Variants in CEP128 observed in about 807,000 individuals in gnomAD.
CEP128 encodes the protein centrosomal protein 128kDa.
In CEP128, 132 loss-of-function variants were observed where a neutral mutation model predicts 156.7. The ratio of observed to expected loss-of-function variants is 0.84; its 90% CI spans 0.73 to 0.97. The LOEUF (loss-of-function observed/expected upper bound fraction) is 0.97. Ranked by LOEUF, CEP128 falls within the 50% of genes least tolerant of loss-of-function variation. The probability of loss-of-function intolerance (pLI) is 0.00; values close to 1 mark genes in which losing one functional copy is unlikely to be tolerated. For synonymous variants in CEP128, 469 were observed against 448.9 expected (o/e 1.04, Z -0.57); for missense variants, 1,252 against 1,281.9 (o/e 0.98, Z 0.36).
At chr14:80,950,675 C>T (rs1886444217) in intron 2 of CEP128, among the ~76,000 whole-genome samples, 1 of 151,804 alleles carries the variant, frequency 6.6e-6, no homozygotes, top group South Asian at 2.1e-4. Context: ...CTAATAAGTG[C>T]AATAATTGGA....
chr14:80,477,953 C>T (rs2140143077), exon 15 of CEP128: 1 of 152,026 alleles, frequency 6.6e-6, no homozygotes, highest in Non-Finnish European at 1.5e-5. Context: ...TCATGAAATC[C>T]ACCCCCAACT....
intron 9 of CEP128, among the ~76,000 whole-genome samples, chr14:80,846,204 G>A (rs1886593681): frequency 6.6e-6 from 1 of 152,260 alleles, no homozygotes; most frequent in East Asian, 1.9e-4. Flanking sequence ...TATTTGGCAT[G>A]AACATAAAAT....
At chr14:80,791,578 G>A (rs1462515320) in intron 14 of CEP128, among the ~76,000 whole-genome samples, 1 of 152,082 alleles carries the variant, frequency 6.6e-6, no homozygotes, top group Non-Finnish European at 1.5e-5. Context: ...GGCTCATTGA[G>A]CCAGTTGCCA....
chr14:80,776,036 G>A (rs767364536), intron 16 of CEP128, among the ~76,000 whole-genome samples: 15 of 152,058 alleles, frequency 9.9e-5, no homozygotes, highest in Admixed American at 9.2e-4. Context: ...GCTTCACCAC[G>A]TTGGCCAGGC....
chr14:80,641,547 G>C lies in CEP128; in HGVS notation c.2807-61124C>G, dbSNP rs868158318. 3.9e-5 allele frequency among the ~76,000 whole-genome samples: 6 copies of C among 152,164 alleles called. No individual in the cohort carries two copies. The South Asian group carries it at 6.2e-4, about 16-fold the overall frequency. On this transcript the variant is annotated intron_variant, in intron 19 of 24. Coordinates refer to ENST00000555265, the MANE Select transcript of CEP128 (RefSeq NM_152446.5). ...CCTTTTTCCTAGAATCGGATACAGT[G>C]CCTGGTAGAAAGTATGCACAGAACA...
At chr14:80,486,439 C>T (rs1887167430), downstream of CEP128, among the ~76,000 whole-genome samples, 1 of 152,016 alleles carries the variant, frequency 6.6e-6, no homozygotes, top group South Asian at 2.1e-4. Context: ...AGTTGGAAAA[C>T]ACTCTGCAGG....
At chr14:80,529,754 A>G (rs189790954) in intron 22 of CEP128, among the ~76,000 whole-genome samples, 2 of 152,326 alleles carry the variant, frequency 1.3e-5, no homozygotes, top group Admixed American at 1.3e-4. Context: ...TAATTCTTTG[A>G]TAGATATTTA....
chr14:80,909,134 G>T (rs980223576), intron 4 of CEP128, among the ~76,000 whole-genome samples: 3 of 152,182 alleles, frequency 2.0e-5, no homozygotes, highest in Non-Finnish European at 1.5e-5. Context: ...CTGGACTTAA[G>T]TTTTTTGCCA....
chr14:80,506,453 A>G (rs954236168), intron 23 of CEP128, among the ~76,000 whole-genome samples: 40 of 150,568 alleles, frequency 2.7e-4, no homozygotes, highest in African/African-American at 9.8e-4. Context: ...TGTTTGGAGA[A>G]TGAATTGAAG....
At chr14:80,481,045 C>G (rs1167992695) in intron 14 of CEP128, among the ~76,000 whole-genome samples, 1 of 152,208 alleles carries the variant, frequency 6.6e-6, no homozygotes, top group East Asian at 1.9e-4. Flanking sequence ...CAACCTCTGC[C>G]TGTTACCCAG....
At chr14:80,830,264 A>G in intron 13 of CEP128, 1 of 633,978 alleles carries the variant, frequency 1.6e-6, no homozygotes, top group Non-Finnish European at 2.8e-6. Flanking sequence ...CAAATTTAAA[A>G]GACATTTTCT....
intron 8 of CEP128, among the ~76,000 whole-genome samples, chr14:80,889,773 A>C (rs879133384): frequency 5.9e-5 from 9 of 152,186 alleles, no homozygotes; most frequent in African/African-American, 9.7e-5. Context: ...AAAATAGACA[A>C]ATAGGATCTA....
chr14:80,655,916 T>C (rs1282584157), intron 19 of CEP128, among the ~76,000 whole-genome samples: 1 of 152,124 alleles, frequency 6.6e-6, no homozygotes, highest in Non-Finnish European at 1.5e-5. Context: ...TTTTTTGTTT[T>C]GCCTCATTTA....
chr14:80,624,760 T>C (rs1051934995), intron 19 of CEP128, among the ~76,000 whole-genome samples: 2 of 152,172 alleles, frequency 1.3e-5, no homozygotes, highest in African/African-American at 4.8e-5. Flanking sequence ...GGCCCATTTT[T>C]TAATGATTAT....
chr14:80,948,717 C>T (rs373299478), intron 2 of CEP128, among the ~76,000 whole-genome samples: 67 of 152,270 alleles, frequency 4.4e-4, no homozygotes, highest in African/African-American at 1.2e-3. Context: ...GGATTCTGTG[C>T]GTGTGTTTAA....
downstream of CEP128, among the ~76,000 whole-genome samples, chr14:80,488,543 A>C (rs2140155695): frequency 6.6e-6 from 1 of 151,896 alleles, no homozygotes; most frequent in East Asian, 2.0e-4. Flanking sequence ...GTGGGACTGT[A>C]AACTAGTTCA....
intron 13 of CEP128, among the ~76,000 whole-genome samples, chr14:80,825,712 A>AT (rs1885435182): frequency 6.6e-6 from 1 of 152,198 alleles, no homozygotes; most frequent in African/African-American, 2.4e-5. Flanking sequence ...ACCTTTCCTC[A>AT]TAACTCCCAA....
At chr14:80,669,811 C>T (rs1414954879) in intron 19 of CEP128, among the ~76,000 whole-genome samples, 1 of 152,170 alleles carries the variant, frequency 6.6e-6, no homozygotes, top group African/African-American at 2.4e-5. Flanking sequence ...AGGTATCTAT[C>T]TGTATGCCAT....
At chr14:80,763,690 A>G (rs1051852456) in intron 16 of CEP128, among the ~76,000 whole-genome samples, 6 of 152,194 alleles carry the variant, frequency 3.9e-5, no homozygotes, top group African/African-American at 1.4e-4. Context: ...CTCCCCAAAT[A>G]AACTGTTAAT....
Sources: allele counts gnomAD v4.1 joint callset (sites outside exome capture counted in the v4.1 genomes callset), GRCh38; gene constraint gnomAD v4.1.1; transcripts MANE v1.5; gene names NCBI Gene and HGNC (gene_info 2026-07-23, HGNC 2026-07-21).